Variants in APOD observed in about 807,000 individuals in gnomAD.
The protein encoded by APOD is apolipoprotein D, also known as apo-D.
A neutral mutation model predicts 20.4 loss-of-function variants in APOD; 22 were observed. That is an observed-to-expected ratio of 1.08 (90% CI 0.77 to 1.54). The LOEUF is 1.54. Among genes scored for constraint, APOD ranks in the 40% most tolerant of loss-of-function variants. The pLI is 0.00. For synonymous variants in APOD, 97 were observed against 92.4 expected (o/e 1.05, Z -0.29); for missense variants, 223 against 229.6 (o/e 0.97, Z 0.19).
chr3:195,573,849 C>T lies in APOD; in HGVS notation c.245+1G>A, dbSNP rs113009513. On this transcript the variant is annotated splice_donor_variant, in intron 3 of 4. Transcript: ENST00000343267. LOFTEE classifies it high-confidence loss of function. ...GGCCCCGGACGCCCACAGCCACTCA[C>T]CTCAACTCCTGGTTTAACACTTTGA... The T allele has an allele frequency of 1.9e-6, 3 of 1,613,966 alleles. No individual in the cohort carries two copies. The highest frequency in any genetic ancestry group is 2.2e-5 in the South Asian group (2 of 91,052).
At chr3:195,583,524 T>C (rs1466035227) in intron 1 of APOD, among the ~76,000 whole-genome samples, 3 of 152,246 alleles carry the variant, frequency 2.0e-5, no homozygotes, top group African/African-American at 2.4e-5. Flanking sequence ...CGATGCACCG[T>C]TGGACAGCTT....
chr3:195,573,056 A>G (rs974641377), intron 3 of APOD, among the ~76,000 whole-genome samples: 4 of 152,110 alleles, frequency 2.6e-5, no homozygotes, highest in Non-Finnish European at 5.9e-5. Context: ...GCTGGGGAAG[A>G]TGGTCTGTTT....
Position 195,573,973 on chromosome 3 carries a change from T to G in APOD, c.124-2A>C, listed in dbSNP as rs770249085. On this transcript the variant is annotated splice_acceptor_variant, in intron 2 of 4. Coordinates refer to ENST00000343267, the MANE Select transcript of APOD (RefSeq NM_001647.4). LOFTEE classifies it high-confidence loss of function. ...AATTTCGTACCATCTTCCGAGATACTGCAGAGACAACAAGCAGAGCAAAAC... is the reference window on the plus strand; with the variant it reads ...AATTTCGTACCATCTTCCGAGATACGGCAGAGACAACAAGCAGAGCAAAAC... 1.2e-6 allele frequency: 2 copies of G among 1,613,988 alleles called. No individual in the cohort carries two copies. The highest frequency in any genetic ancestry group is 3.3e-5 in the Admixed American group (2 of 59,996).
At chr3:195,578,511 T>C (rs774176034) in intron 2 of APOD, among the ~76,000 whole-genome samples, 1 of 152,136 alleles carries the variant, frequency 6.6e-6, no homozygotes, top group South Asian at 2.1e-4. Flanking sequence ...CAGGCTTGAG[T>C]AGCAACAGTG....
intron 1 of APOD, among the ~76,000 whole-genome samples, chr3:195,580,563 C>T (rs568949584): frequency 2.0e-5 from 3 of 152,162 alleles, no homozygotes; most frequent in South Asian, 4.2e-4. Context: ...CACCACAACT[C>T]CCGGCTAATT....
intron 1 of APOD, among the ~76,000 whole-genome samples, chr3:195,581,616 C>T (rs114486474): frequency 1.3e-5 from 2 of 152,178 alleles, no homozygotes; most frequent in African/African-American, 2.4e-5. Context: ...CCATCTCCCC[C>T]TCTCCTGTCT....
At position 195,572,584 on chromosome 3, in the gene APOD, G is replaced by A. The variant is rs147859012; in HGVS notation, c.246-1219C>T. On this transcript the variant is annotated intron_variant, in intron 3 of 4. Coordinates refer to ENST00000343267, the MANE Select transcript of APOD (RefSeq NM_001647.4). Reference sequence around the variant, plus strand: ...AGAAGGGGAAAGGTGTGGAGATGGAGGCACCAAAGGGAGGGTGCTAAGGCA... The same window carrying A: ...AGAAGGGGAAAGGTGTGGAGATGGAAGCACCAAAGGGAGGGTGCTAAGGCA... Among the ~76,000 whole-genome samples, 614 of 152,282 alleles carry A rather than the reference G, an allele frequency of 4.0e-3. 4 individuals carry two copies. The highest frequency in any genetic ancestry group is 0.013 in the African/African-American group (544 of 41,544).
intron 2 of APOD, 143 bp downstream of exon 2, chr3:195,579,196 G>A: frequency 7.5e-7 from 1 of 1,339,548 alleles, no homozygotes; most frequent in Non-Finnish European, 1.0e-6. Flanking sequence ...CTCAGCAGAT[G>A]TCTGCTTTGG....
At chr3:195,583,162 A>G (rs4677692) in intron 1 of APOD, 28,371 of 151,912 alleles carry the variant, frequency 0.19, 3,142 homozygotes, top group East Asian at 0.42. Flanking sequence ...CACTCTCTTC[A>G]TACCAACGAG....
chr3:195,574,628 A>G (rs999016671), intron 2 of APOD, among the ~76,000 whole-genome samples: 2 of 152,244 alleles, frequency 1.3e-5, no homozygotes, highest in African/African-American at 4.8e-5. Flanking sequence ...TAGCAAAGCT[A>G]AAAATACATA....
chr3:195,569,204 G>A, intron 4 of APOD, 69 bp from the exon 5 acceptor site: 1 of 1,400,228 alleles, frequency 7.1e-7, no homozygotes, highest in Non-Finnish European at 1.0e-6. Context: ...AACACAAGAA[G>A]GCTGGCCCAG....
chr3:195,578,055 C>T (rs1227144791), intron 2 of APOD, among the ~76,000 whole-genome samples: 4 of 152,188 alleles, frequency 2.6e-5, no homozygotes, highest in South Asian at 2.1e-4. Flanking sequence ...AAGTGAATTA[C>T]GTGCTATACA....
chr3:195,568,831 TGGG>T lies in APOD; in HGVS notation c.*66_*68del. 1 of 896,782 alleles carries T rather than the reference TGGG, an allele frequency of 1.1e-6. No individual in the cohort carries two copies. Among genetic ancestry groups the T allele is most frequent in the Non-Finnish European group, 1.7e-6 (1 of 603,142 alleles). The allele number at this position is 896,782 out of a possible 1,614,324, so 55.6% of individuals were successfully genotyped here. On this transcript the variant is annotated 3_prime_UTR_variant, in exon 5 of 5. Transcript: ENST00000343267. ...GTCGTGGTTGATTGGTTTGTCTTTATGGGGGGGGGGTAGGGGAAAGCGAAGCAG... is the reference window on the plus strand; with the variant it reads ...GTCGTGGTTGATTGGTTTGTCTTTATGGGGGGGTAGGGGAAAGCGAAGCAG...
At chr3:195,573,716 C>T in intron 3 of APOD, 134 bp downstream of exon 3, 4 of 1,195,738 alleles carry the variant, frequency 3.3e-6, no homozygotes, top group East Asian at 2.5e-5. Context: ...AAACGCTTTC[C>T]TCTCAATTCC....
intron 2 of APOD, among the ~76,000 whole-genome samples, chr3:195,574,461 G>A (rs766277848): frequency 3.9e-5 from 6 of 152,104 alleles, no homozygotes; most frequent in African/African-American, 1.2e-4. Flanking sequence ...AGGGGCCTGC[G>A]CTCAGTCCAG....
Sources: gnomAD v4.1 joint callset for allele counts (sites outside exome capture counted in the v4.1 genomes callset) on GRCh38, gnomAD v4.1.1 for gene constraint, MANE v1.5 for transcripts, NCBI Gene and HGNC (gene_info 2026-07-23, HGNC 2026-07-21) for gene names.